The following ZNF624 variants were observed in gnomAD, a reference collection of about 807,000 sequenced individuals.
ZNF624 encodes the protein zinc finger protein 624.
ZNF624 carries 43 observed loss-of-function variants against 74.7 expected under a neutral mutation model. The observed-to-expected ratio is 0.58, with a 90% CI of 0.45 to 0.74. ZNF624 has a LOEUF of 0.74. ZNF624 is among the 30% of genes least tolerant of loss of function. The pLI is 0.00. For synonymous variants in ZNF624, 331 were observed against 341.3 expected (o/e 0.97, Z 0.33); for missense variants, 820 against 1,030.0 (o/e 0.80, Z 2.79).
In ZNF624 at chr17:16,622,846, T is replaced by A; in HGVS notation, c.2040A>T (p.Thr680=). The A allele has an allele frequency of 6.2e-7, 1 of 1,613,920 alleles. No homozygotes were observed. Among genetic ancestry groups the A allele is most frequent in the Admixed American group, 1.7e-5 (1 of 60,018 alleles). The change falls in exon 6 of 6, where the codon ACA becomes ACT. Residue 680 remains threonine, a synonymous_variant. Transcript: ENST00000311331. ...CNECEKAFTN[T]SQLTVHQRRH... ...TTCGTTGGTGCACGGTAAGCTGTGATGTATTAGTGAAGGCTTTCTCACATT... is the reference window on the plus strand; with the variant it reads ...TTCGTTGGTGCACGGTAAGCTGTGAAGTATTAGTGAAGGCTTTCTCACATT...
chr17:16,643,856 C>T (rs1909524189), intron 3 of ZNF624, among the ~76,000 whole-genome samples: 2 of 152,116 alleles, frequency 1.3e-5, no homozygotes, highest in Non-Finnish European at 2.9e-5. Context: ...AAAACTGCTG[C>T]GACAGTTTGG....
At chr17:16,617,911 G>A, downstream of ZNF624, 1 of 1,437,964 alleles carries the variant, frequency 7.0e-7, no homozygotes, top group African/African-American at 1.4e-5. Flanking sequence ...CCAAGGGCTG[G>A]TTGTGGAACG....
chr17:16,628,939 C>T (rs963201393), intron 5 of ZNF624, among the ~76,000 whole-genome samples: 1 of 152,090 alleles, frequency 6.6e-6, no homozygotes, highest in African/African-American at 2.4e-5. Context: ...TGGCTCACAC[C>T]TGTAATCCCA....
At chr17:16,632,783 C>G (rs1320825912) in intron 5 of ZNF624, among the ~76,000 whole-genome samples, 1 of 152,146 alleles carries the variant, frequency 6.6e-6, no homozygotes, top group African/African-American at 2.4e-5. Flanking sequence ...TTCTAAAAAC[C>G]CTGCAGTAGA....
In ZNF624 at chr17:16,623,215, T is replaced by C. The variant is rs761554180; in HGVS notation, c.1671A>G (p.Lys557=). The C allele has an allele frequency of 6.2e-6, 10 of 1,613,816 alleles. No individual in the cohort carries two copies. In the African/African-American group the frequency reaches 1.3e-4, roughly 22 times the overall value. The change falls in exon 6 of 6, where the codon AAA becomes AAG. Residue 557 remains lysine, a synonymous_variant. Transcript: ENST00000311331. The surrounding 1 kb of genome is among the most constrained non-coding windows in gnomAD (Gnocchi z 5.3). Reference sequence around the variant, plus strand: ...TGAAGGCCTTTCCACATTCAGTACATTTATAAGGTTTCTCTCCTGTATGCA... The same window carrying C: ...TGAAGGCCTTTCCACATTCAGTACACTTATAAGGTTTCTCTCCTGTATGCA... The part of the protein sequence containing the change: ...HRMHTGEKPY[K]CTECGKAFMR...
chr17:16,630,101 G>A (rs2142590922), intron 5 of ZNF624, among the ~76,000 whole-genome samples: 1 of 152,176 alleles, frequency 6.6e-6, no homozygotes, highest in South Asian at 2.1e-4. Context: ...TTATAGAAAA[G>A]TTTAGACAGA....
chr17:16,648,192 C>A (rs1909639159), intron 2 of ZNF624, among the ~76,000 whole-genome samples: 1 of 151,970 alleles, frequency 6.6e-6, no homozygotes, highest in African/African-American at 2.4e-5. Context: ...AATCTGCCCA[C>A]CTCAGCCTCC....
At chr17:16,632,418 T>C (rs1808803607) in intron 5 of ZNF624, among the ~76,000 whole-genome samples, 1 of 152,202 alleles carries the variant, frequency 6.6e-6, no homozygotes, top group African/African-American at 2.4e-5. Context: ...AACAAGTATT[T>C]TTTCTTGACT....
intron 5 of ZNF624, among the ~76,000 whole-genome samples, chr17:16,632,792 G>C (rs8065558): frequency 0.14 from 21,604 of 152,166 alleles, 1,717 homozygotes; most frequent in East Asian, 0.35. Context: ...CCCTGCAGTA[G>C]AATCTCTCCA....
chr17:16,637,922 G>T (rs1434902871), intron 3 of ZNF624, among the ~76,000 whole-genome samples: 1 of 152,006 alleles, frequency 6.6e-6, no homozygotes, highest in Non-Finnish European at 1.5e-5. Flanking sequence ...CCATCAGAGT[G>T]AACAGGCAAC....
At position 16,623,012 on chromosome 17, in the gene ZNF624, A is replaced by G. The variant is rs1908962773; in HGVS notation, c.1874T>C (p.Val625Ala). 3 of 1,613,700 alleles carry G rather than the reference A, an allele frequency of 1.9e-6. No individual in the cohort carries two copies. Among genetic ancestry groups the G allele is most frequent in the Non-Finnish European group, 2.5e-6 (3 of 1,179,876 alleles). ...AATTTTCTGATGCTCCTTGAGATTT[A>G]CCATTTTGGTGAATGCCCTCTCGCA... The part of the protein sequence containing the change: ...TDCERAFTKM[V>A]NLKEHQKIHT... Residue 625 changes from valine (V) to alanine (A), a missense_variant, in exon 6 of 6, where the codon GTA becomes GCA. Transcript: ENST00000311331. The surrounding 1 kb of genome is among the most constrained non-coding windows in gnomAD (Gnocchi z 5.3).
At chr17:16,639,583 G>A (rs1909418797) in intron 3 of ZNF624, among the ~76,000 whole-genome samples, 2 of 152,110 alleles carry the variant, frequency 1.3e-5, no homozygotes, top group Admixed American at 6.5e-5. Context: ...GTTGCAACCT[G>A]CCTGCCTAAG....
chr17:16,649,657 C>T lies in ZNF624; in HGVS notation c.87+1G>A. 1 of 1,613,832 alleles carries T rather than the reference C, an allele frequency of 6.2e-7. No homozygotes were observed. ...GTCAAAAACAGGGAATCCCAACTTA[C>T]CAGGCGTCCAACTGAGAAAAACACA... On this transcript the variant is annotated splice_donor_variant, in intron 2 of 5. Transcript: ENST00000311331. LOFTEE classifies it high-confidence loss of function.
chr17:16,642,081 A>G (rs1167886240), intron 3 of ZNF624, among the ~76,000 whole-genome samples: 1 of 152,232 alleles, frequency 6.6e-6, no homozygotes, highest in Non-Finnish European at 1.5e-5. Flanking sequence ...ATTACTCTCC[A>G]AATTGATCAA....
In ZNF624 at chr17:16,633,881, A is replaced by C. The variant is rs1293568879; in HGVS notation, c.357T>G (p.Ile119Met). The change falls in exon 5 of 6, where the codon ATT becomes ATG. Residue 119 changes from isoleucine (I) to methionine (M), a missense_variant. Physicochemically the swap from Ile to Met is conservative, Grantham distance 10. Coordinates refer to ENST00000311331, the MANE Select transcript of ZNF624 (RefSeq NM_020787.4). The part of the protein sequence containing the change: ...GKGPWVTVRE[I>M]SRIPYPDMEP... ...ACTCACCAGGATAGGGAATTCTTGA[A>C]ATTTCTCTCACCGTCACCCATGGTC... 11 of 1,613,446 alleles carry C rather than the reference A, an allele frequency of 6.8e-6. No homozygotes were observed. The highest frequency in any genetic ancestry group is 8.5e-6 in the Non-Finnish European group (10 of 1,179,634).
rs1367983603 is a variant in ZNF624, at chr17:16,623,328, G to C, written c.1558C>G (p.Arg520Gly). ...NRIANFTEHQ[R>G]IHTGEKPYKC... ...TAGGGTTTTTCTCCTGTGTGAATTC[G>C]CTGATGTTCTGTGAAATTTGCGATG... Residue 520 changes from arginine (R) to glycine (G), a missense_variant, in exon 6 of 6, where the codon CGA becomes GGA. Transcript: ENST00000311331. The surrounding 1 kb of genome is among the most constrained non-coding windows in gnomAD (Gnocchi z 5.3). 1 of 1,612,076 alleles carries C rather than the reference G, an allele frequency of 6.2e-7. No individual in the cohort carries two copies. The highest frequency in any genetic ancestry group is 8.5e-7 in the Non-Finnish European group (1 of 1,179,008).
intron 5 of ZNF624, among the ~76,000 whole-genome samples, chr17:16,625,339 G>A (rs1909045098): frequency 6.6e-6 from 1 of 151,968 alleles, no homozygotes; most frequent in Non-Finnish European, 1.5e-5. Flanking sequence ...GTGCCACCAC[G>A]CCCGGCTCAT....
At chr17:16,647,605 A>C (rs1909624642) in intron 2 of ZNF624, among the ~76,000 whole-genome samples, 2 of 152,246 alleles carry the variant, frequency 1.3e-5, no homozygotes, top group Admixed American at 1.3e-4. Flanking sequence ...CGTAAGATTG[A>C]AAAAGATATA....
rs1908945421 is a variant in ZNF624 at position 16,622,544 on chromosome 17, G to C, written c.2342C>G (p.Thr781Ser). The change falls in exon 6 of 6, where the codon ACC becomes AGC. Residue 781 changes from threonine to serine, a missense_variant. Physicochemically the swap from Thr to Ser is moderately conservative, Grantham distance 58 (BLOSUM62 1). Transcript: ENST00000311331. Reference protein sequence around the residue: ...WRTHTGEKPYTCKECGKGCIT... With the variant: ...WRTHTGEKPYSCKECGKGCIT... ...ACAACCCTTTCCACATTCCTTACAG[G>C]TGTAGGGTTTTTCTCCAGTGTGTGT... 1 of 1,613,734 alleles carries C rather than the reference G, an allele frequency of 6.2e-7. No individual in the cohort carries two copies. The highest frequency in any genetic ancestry group is 1.3e-5 in the African/African-American group (1 of 74,924).
Sources: allele counts gnomAD v4.1 joint callset (sites outside exome capture counted in the v4.1 genomes callset), GRCh38; gene constraint gnomAD v4.1.1; non-coding constraint Gnocchi (gnomAD v3.1); transcripts MANE v1.5; gene names NCBI Gene and HGNC (gene_info 2026-07-23, HGNC 2026-07-21).